The following HUNK variants were observed in gnomAD, a reference collection of about 807,000 sequenced individuals.
HUNK encodes the protein hormonally up-regulated Neu-associated kinase.
Under a neutral mutation model 61.0 loss-of-function variants are expected in HUNK, and 21 were observed. The observed-to-expected ratio is 0.34, with a 90% confidence interval of 0.24 to 0.50. The LOEUF is 0.50. Among genes scored for constraint, HUNK ranks in the 20% least tolerant of loss-of-function variants. HUNK has a pLI of 0.98. For missense variants in HUNK, 772 were observed against 945.7 expected (o/e 0.82, Z 2.41); for synonymous variants, 371 against 386.1 (o/e 0.96, Z 0.46).
intron 1 of HUNK, among the ~76,000 whole-genome samples, chr21:31,917,348 A>ACGCC (rs957631290): frequency 6.6e-6 from 1 of 152,092 alleles, no homozygotes; most frequent in Non-Finnish European, 1.5e-5. Flanking sequence ...ACGAGCCACC[A>ACGCC]CGCCTGGTTA....
At chr21:31,922,940 C>G (rs1376233114) in intron 1 of HUNK, among the ~76,000 whole-genome samples, 2 of 152,140 alleles carry the variant, frequency 1.3e-5, no homozygotes, top group African/African-American at 4.8e-5. Context: ...CCCGGAGGCT[C>G]CATAGCTGTG....
intron 2 of HUNK, among the ~76,000 whole-genome samples, chr21:31,930,727 A>G (rs1240624282): frequency 6.6e-6 from 1 of 152,216 alleles, no homozygotes; most frequent in Non-Finnish European, 1.5e-5. Flanking sequence ...TTGCACTGGG[A>G]TGGAAGCTTT....
chr21:31,916,450 C>T (rs1010545489), intron 1 of HUNK, among the ~76,000 whole-genome samples: 1 of 151,944 alleles, frequency 6.6e-6, no homozygotes, highest in Non-Finnish European at 1.5e-5. Context: ...TTTGAGCATC[C>T]CTTATTCTAA....
intron 4 of HUNK, 27 bp downstream of exon 4, chr21:31,946,198 G>A (rs1292733144): frequency 6.2e-7 from 1 of 1,600,636 alleles, no homozygotes; most frequent in African/African-American, 1.3e-5. Context: ...CTGAAAGTCA[G>A]TGTTCCTCCT....
intron 9 of HUNK, among the ~76,000 whole-genome samples, chr21:31,991,033 T>G (rs2053168922): frequency 6.6e-6 from 1 of 152,202 alleles, no homozygotes; most frequent in Non-Finnish European, 1.5e-5. Context: ...TGCAGAATCC[T>G]GTTGTGAGTG....
chr21:31,943,239 T>C (rs916356588), intron 3 of HUNK, among the ~76,000 whole-genome samples: 2 of 152,176 alleles, frequency 1.3e-5, no homozygotes, highest in African/African-American at 4.8e-5. Flanking sequence ...ATCAGGAGGT[T>C]TTTTTTCCCT....
chr21:31,996,340 T>C (rs1007490324), intron 10 of HUNK, among the ~76,000 whole-genome samples: 4 of 152,120 alleles, frequency 2.6e-5, no homozygotes, highest in Non-Finnish European at 4.4e-5. Context: ...AGACCGGGTA[T>C]CTCCCTGAGT....
intron 3 of HUNK, among the ~76,000 whole-genome samples, chr21:31,941,680 A>G: frequency 6.6e-6 from 1 of 152,148 alleles, no homozygotes; most frequent in Admixed American, 6.5e-5. Flanking sequence ...AAGCTGGAAA[A>G]CAAGGCACTC....
At chr21:31,956,733 G>T (rs544642856) in intron 4 of HUNK, among the ~76,000 whole-genome samples, 1 of 152,082 alleles carries the variant, frequency 6.6e-6, no homozygotes, top group South Asian at 2.1e-4. Flanking sequence ...TTCCGATTCC[G>T]ATTTTAACAG....
intron 2 of HUNK, among the ~76,000 whole-genome samples, chr21:31,927,643 G>GA (rs111814282): frequency 0.02 from 2,764 of 140,466 alleles, 104 homozygotes; most frequent in East Asian, 0.15. Flanking sequence ...GACTTGTCTG[G>GA]AAAAAAAAAA....
intron 7 of HUNK, among the ~76,000 whole-genome samples, chr21:31,981,456 G>A (rs2053097093): frequency 6.6e-6 from 1 of 151,458 alleles, no homozygotes; most frequent in Non-Finnish European, 1.5e-5. Flanking sequence ...AGTATAGTAT[G>A]GACATTTTAA....
Position 32,001,564 on chromosome 21 carries a change from G to C in HUNK, c.*2380G>C, listed in dbSNP as rs1242527754. On this transcript the variant is annotated 3_prime_UTR_variant, in exon 11 of 11. Transcript: ENST00000270112. ...TGCACATGTGCCGCTAACTGACCGC[G>C]TTGCCATTGGCGACCTGGACTCTGA... 1 of 152,532 alleles carries C rather than the reference G, an allele frequency of 6.6e-6. No homozygotes were observed. The highest frequency in any genetic ancestry group is 1.5e-5 in the Non-Finnish European group (1 of 68,032). 9.4% of individuals were successfully genotyped at this position (152,532 alleles called of 1,614,324 possible). A position where few individuals can be genotyped will look rare whatever the true frequency, so the allele number is the denominator to read the frequency against.
Position 31,931,068 on chromosome 21 carries a change from C to CAAAA in HUNK, c.554+6328_554+6331dup, listed in dbSNP as rs10673838. ...AGTGCTTTTGAAGATAAGACCTAAC[C>CAAAA]AAAAAAAAAAAAAAAAAAAAAAATC... On this transcript the variant is annotated intron_variant, in intron 2 of 10. Transcript: ENST00000270112. 7.7e-3 allele frequency among the ~76,000 whole-genome samples: 574 copies of CAAAA among 74,836 alleles called. 4 individuals carry two copies. The highest frequency in any genetic ancestry group is 0.014 in the East Asian group (34 of 2,418). The allele number at this position is 74,836 out of a possible 152,430, so 49.1% of individuals were successfully genotyped here. A position where few individuals can be genotyped will look rare whatever the true frequency, so the allele number is the denominator to read the frequency against.
chr21:31,966,088 G>A (rs577879744), intron 5 of HUNK, among the ~76,000 whole-genome samples: 3 of 152,154 alleles, frequency 2.0e-5, no homozygotes, highest in Admixed American at 6.5e-5. Flanking sequence ...AGTCCCCAAA[G>A]TCTATTGTAT....
At chr21:31,891,139 G>A (rs1178722431) in intron 1 of HUNK, among the ~76,000 whole-genome samples, 1 of 152,202 alleles carries the variant, frequency 6.6e-6, no homozygotes, top group African/African-American at 2.4e-5. Context: ...CACTTTGGGA[G>A]GCCGAGGTGG....
chr21:31,998,765 C>G lies in HUNK; in HGVS notation c.1726C>G (p.Pro576Ala), dbSNP rs775980299. The part of the protein sequence containing the change: ...DRDDHVEVLS[P>A]SHHYRILNSP... ...CGACGACCACGTAGAAGTGCTGTCT[C>G]CCTCTCATCACTACAGGATTCTGAA... Residue 576 changes from proline (P) to alanine (A), a missense_variant, in exon 11 of 11, where the codon CCC (proline) becomes GCC (alanine). Around this residue, in one of 2 missense-constraint regions of HUNK, gnomAD observed 413 missense variants for 444.4 expected, o/e 0.93. Coordinates refer to ENST00000270112, the MANE Select transcript of HUNK (RefSeq NM_014586.2). The G allele has an allele frequency of 3.1e-6, 5 of 1,614,170 alleles. No homozygotes were observed. In the Admixed American group the frequency reaches 8.3e-5, roughly 27 times the overall value.
chr21:31,979,000 A>G (rs763981207), intron 7 of HUNK, among the ~76,000 whole-genome samples: 1 of 151,828 alleles, frequency 6.6e-6, no homozygotes, highest in African/African-American at 2.4e-5. Flanking sequence ...GGTATCTTCC[A>G]TCTTTATGAT....
In HUNK at chr21:31,999,278, T is replaced by A; in HGVS notation, c.*94T>A. ...GGTGTGAGCACTCCAAGGCCTCGCG[T>A]GGAGCATCCTTAGTCCCACCTGTAG... On this transcript the variant is annotated 3_prime_UTR_variant, in exon 11 of 11. Transcript: ENST00000270112. 2 of 1,159,850 alleles carry A rather than the reference T, an allele frequency of 1.7e-6. No homozygotes were observed. The highest frequency in any genetic ancestry group is 2.5e-6 in the Non-Finnish European group (2 of 811,836). The allele number at this position is 1,159,850 out of a possible 1,614,324, so 71.8% of individuals were successfully genotyped here.
At chr21:31,883,941 A>G (rs2052328128) in intron 1 of HUNK, among the ~76,000 whole-genome samples, 1 of 152,182 alleles carries the variant, frequency 6.6e-6, no homozygotes, top group African/African-American at 2.4e-5. Context: ...TTCTGCAACC[A>G]TGACCCTGGA....
Sources: gnomAD v4.1 joint callset for allele counts (sites outside exome capture counted in the v4.1 genomes callset) on GRCh38, gnomAD v4.1.1 for gene constraint, gnomAD v4.1.1 regional missense constraint, MANE v1.5 for transcripts, NCBI Gene and HGNC (gene_info 2026-07-23, HGNC 2026-07-21) for gene names.